The following RBFOX2 variants were observed in gnomAD, a reference collection of about 807,000 sequenced individuals.
RBFOX2 encodes the protein RNA binding protein fox-1 homolog 2.
A neutral mutation model predicts 49.1 loss-of-function variants in RBFOX2; 10 were observed. The observed-to-expected ratio is 0.20, with a 90% CI of 0.13 to 0.35. The LOEUF (loss-of-function observed/expected upper bound fraction) is 0.35. RBFOX2 is among the 10% of genes least tolerant of loss of function. RBFOX2 has a pLI of 1.00. For missense variants in RBFOX2, 323 were observed against 486.9 expected, an observed-to-expected ratio of 0.66 and a Z score of 3.17; for synonymous variants, 183 against 187.4, an observed-to-expected ratio of 0.98 and a Z score of 0.19.
intron 1 of RBFOX2, among the ~76,000 whole-genome samples, chr22:35,818,774 G>A (rs1194420405): frequency 6.6e-6 from 1 of 152,188 alleles, no homozygotes; most frequent in East Asian, 1.9e-4. Context: ...GCAACAGAGA[G>A]AGACCATGTC....
chr22:35,991,522 G>A (rs909488207), intron 1 of RBFOX2, among the ~76,000 whole-genome samples: 6 of 152,178 alleles, frequency 3.9e-5, no homozygotes, highest in Non-Finnish European at 7.3e-5. Flanking sequence ...CTTTGGACAG[G>A]AGTCAGCATC....
At chr22:35,887,757 C>G (rs1014821272) in intron 1 of RBFOX2, among the ~76,000 whole-genome samples, 2 of 152,102 alleles carry the variant, frequency 1.3e-5, no homozygotes, top group African/African-American at 4.8e-5. Flanking sequence ...ACATTTTGGC[C>G]TTCTTTTTGA....
At chr22:35,838,363 T>A (rs1013108797) in intron 1 of RBFOX2, among the ~76,000 whole-genome samples, 12 of 151,768 alleles carry the variant, frequency 7.9e-5, no homozygotes, top group African/African-American at 2.9e-4. Context: ...TAGTCCAGAA[T>A]GTCACAGGTC....
chr22:36,023,931 C>T (rs2059335572), intron 1 of RBFOX2, among the ~76,000 whole-genome samples: 1 of 152,208 alleles, frequency 6.6e-6, no homozygotes, highest in African/African-American at 2.4e-5. Flanking sequence ...GTTTCCTAAA[C>T]TCCATTTTGG....
Position 35,749,683 on chromosome 22 carries a change from T to G in RBFOX2, c.888-3122A>C, listed in dbSNP as rs1033689131. Among the ~76,000 whole-genome samples, 2 of 152,190 alleles carry G rather than the reference T, an allele frequency of 1.3e-5. No homozygotes were observed. The highest frequency in any genetic ancestry group is 2.9e-5 in the Non-Finnish European group (2 of 68,038). On this transcript the variant is annotated intron_variant, in intron 9 of 11. Coordinates refer to ENST00000405409, the Ensembl canonical transcript of RBFOX2. This position sits in a 1 kb window ranked among gnomAD's most constrained non-coding sequence, Gnocchi z 4.1. Reference sequence around the variant, plus strand: ...GAGAAACCGTTTTTTCAGCTTTCACTCTTACTAGCAAATCTAAAGGCTTTT... The same window carrying G: ...GAGAAACCGTTTTTTCAGCTTTCACGCTTACTAGCAAATCTAAAGGCTTTT...
intron 2 of RBFOX2, among the ~76,000 whole-genome samples, chr22:35,783,728 C>A (rs1026107304): frequency 5.9e-5 from 9 of 152,168 alleles, no homozygotes; most frequent in Admixed American, 3.9e-4. Flanking sequence ...CCAGACACCA[C>A]GTGTCCTGCA....
intron 1 of RBFOX2, among the ~76,000 whole-genome samples, chr22:35,877,818 T>C (rs1300846056): frequency 6.6e-6 from 1 of 152,086 alleles, no homozygotes; most frequent in Non-Finnish European, 1.5e-5. Context: ...GCTAGAGTTC[T>C]ACCACTATAA....
chr22:35,819,950 A>G (rs1954089023), intron 1 of RBFOX2, among the ~76,000 whole-genome samples: 1 of 152,142 alleles, frequency 6.6e-6, no homozygotes, highest in African/African-American at 2.4e-5. Flanking sequence ...ATGGAAGAAG[A>G]CTCCAGACAA....
At chr22:35,780,043 G>A (rs921901274) in intron 3 of RBFOX2, among the ~76,000 whole-genome samples, 1 of 152,058 alleles carries the variant, frequency 6.6e-6, no homozygotes, top group Non-Finnish European at 1.5e-5. Context: ...TCATGCTCCC[G>A]AGAAGTTTCT....
At chr22:35,796,273 T>C (rs951067262) in intron 2 of RBFOX2, among the ~76,000 whole-genome samples, 1 of 152,188 alleles carries the variant, frequency 6.6e-6, no homozygotes, top group Non-Finnish European at 1.5e-5. Context: ...GCATTAGAAA[T>C]TGAAGCTGAT....
chr22:36,004,833 T>C (rs1030486363), intron 1 of RBFOX2, among the ~76,000 whole-genome samples: 1 of 151,900 alleles, frequency 6.6e-6, no homozygotes, highest in African/African-American at 2.4e-5. Flanking sequence ...ACCAACTCAA[T>C]CCCAGCTGGC....
chr22:36,003,557 G>T (rs2058509841), intron 1 of RBFOX2, among the ~76,000 whole-genome samples: 1 of 152,202 alleles, frequency 6.6e-6, no homozygotes. Flanking sequence ...GGAGGTGGTG[G>T]TCAAAGTGGT....
At chr22:36,017,568 G>C (rs966730572) in intron 1 of RBFOX2, among the ~76,000 whole-genome samples, 1 of 152,048 alleles carries the variant, frequency 6.6e-6, no homozygotes, top group East Asian at 1.9e-4. Flanking sequence ...TATAGTATCC[G>C]ATGAAATTCA....
intron 1 of RBFOX2, among the ~76,000 whole-genome samples, chr22:35,833,436 T>C (rs1007245955): frequency 6.6e-6 from 1 of 152,194 alleles, no homozygotes; most frequent in Non-Finnish European, 1.5e-5. Context: ...ATGGAACTAT[T>C]TATCTTATGA....
At chr22:35,840,627 T>TGTGC, upstream of RBFOX2, 2 of 1,077,014 alleles carry the variant, frequency 1.9e-6, no homozygotes, top group Non-Finnish European at 2.3e-6. Context: ...TGTGTGCGTG[T>TGTGC]GTGCGTGTGT....
chr22:35,820,955 C>T (rs768677272), intron 1 of RBFOX2, among the ~76,000 whole-genome samples: 14 of 152,042 alleles, frequency 9.2e-5, no homozygotes, highest in Non-Finnish European at 1.6e-4. Context: ...CAATGACAAT[C>T]CAAAGGCAGA....
intron 2 of RBFOX2, among the ~76,000 whole-genome samples, chr22:35,794,179 G>A (rs2147636701): frequency 6.6e-6 from 1 of 152,142 alleles, no homozygotes; most frequent in South Asian, 2.1e-4. Flanking sequence ...GTAAGTAGAA[G>A]CTAAGATGGT....
intron 1 of RBFOX2, among the ~76,000 whole-genome samples, chr22:35,853,658 CGTGTGTGTGTGTGTGTGTGTGTGT>C (rs36048607): frequency 4.3e-5 from 6 of 141,054 alleles, no homozygotes; most frequent in African/African-American, 1.0e-4. Flanking sequence ...TATATACACA[CGTGTGTGTGTGTGTGTGTGTGTGT>C]GTGTGTGTGT....
intron 9 of RBFOX2, among the ~76,000 whole-genome samples, chr22:35,757,220 C>A (rs1937241846): frequency 6.9e-6 from 1 of 145,558 alleles, no homozygotes; most frequent in Non-Finnish European, 1.5e-5. Context: ...CAATGCATGA[C>A]TTTAAAAAAA....
Sources: gnomAD v4.1 joint callset for allele counts (sites outside exome capture counted in the v4.1 genomes callset) on GRCh38, gnomAD v4.1.1 for gene constraint, Gnocchi (gnomAD v3.1) non-coding constraint, MANE v1.5 for transcripts, NCBI Gene and HGNC (gene_info 2026-07-23, HGNC 2026-07-21) for gene names.